Variants in HNF4A observed in about 807,000 individuals in gnomAD.
HNF4A encodes the protein hepatocyte nuclear factor 4-alpha.
Under a neutral mutation model 52.4 loss-of-function variants are expected in HNF4A, and 15 were observed. The ratio of observed to expected loss-of-function variants is 0.29; its 90% CI spans 0.19 to 0.44. HNF4A has a LOEUF of 0.44. Ranked by LOEUF, HNF4A falls within the 20% of genes least tolerant of loss-of-function variation. The pLI is 1.00. For synonymous variants in HNF4A, 280 were observed against 264.4 expected (o/e 1.06, Z -0.57); for missense variants, 479 against 647.2 (o/e 0.74, Z 2.82).
chr20:44,429,556 G>T lies in HNF4A; in HGVS notation c.1316G>T (p.Gly439Val), dbSNP rs748399403. The T allele has an allele frequency of 1.9e-6, 3 of 1,614,016 alleles. No homozygotes were observed. The highest frequency in any genetic ancestry group is 1.7e-5 in the Admixed American group (1 of 60,014). ...GAGACCCCACAGCCCTCACCGCCAG[G>T]TGGCTCAGGGTCTGAGCCCTATAAG... Residue 439 changes from glycine (G) to valine (V), a missense_variant, in exon 10 of 10, where the codon GGT (glycine) becomes GTT (valine). By Grantham distance (109) the Gly-to-Val change is moderately radical. Coordinates refer to ENST00000316099, the MANE Select transcript of HNF4A (RefSeq NM_000457.6).
At chr20:44,419,897 G>A in intron 7 of HNF4A, 21 bp downstream of exon 7, 1 of 1,613,146 alleles carries the variant, frequency 6.2e-7, no homozygotes, top group Non-Finnish European at 8.5e-7. Context: ...CACCTCCTAA[G>A]CCATCCCTGA....
chr20:44,424,803 G>A (rs141571214), intron 8 of HNF4A, among the ~76,000 whole-genome samples: 63 of 152,290 alleles, frequency 4.1e-4, no homozygotes, highest in African/African-American at 1.3e-3. Flanking sequence ...CAAGGGCTGC[G>A]GATAGGAGAG....
chr20:44,369,217 C>T (rs1228918782), intron 1 of HNF4A, among the ~76,000 whole-genome samples: 1 of 130,972 alleles, frequency 7.6e-6, no homozygotes, highest in African/African-American at 2.9e-5. Context: ...CCATTGCATT[C>T]CAGCCTGGGC....
chr20:44,422,281 G>A (rs545469158), intron 7 of HNF4A, among the ~76,000 whole-genome samples: 1 of 152,278 alleles, frequency 6.6e-6, no homozygotes, highest in East Asian at 1.9e-4. Flanking sequence ...GGCTGGACTG[G>A]CAGAATTGTT....
At chr20:44,411,891 C>CA (rs34125386) in intron 3 of HNF4A, among the ~76,000 whole-genome samples, 10,818 of 134,756 alleles carry the variant, frequency 0.08, 757 homozygotes, top group African/African-American at 0.2. Flanking sequence ...CCCCGTCTCT[C>CA]AAAAAAAAAA....
chr20:44,413,898 C>G, intron 4 of HNF4A, 98 bp downstream of exon 4: 1 of 814,858 alleles, frequency 1.2e-6, no homozygotes, highest in Admixed American at 2.0e-5. Flanking sequence ...CCTGGAGCAG[C>G]TGACGGGAGG....
chr20:44,377,388 G>A (rs1240581696), intron 1 of HNF4A, among the ~76,000 whole-genome samples: 1 of 152,164 alleles, frequency 6.6e-6, no homozygotes, highest in African/African-American at 2.4e-5. Flanking sequence ...CCAGCATCAT[G>A]CAATATACCT....
rs1306502663 is a variant in HNF4A, at chr20:44,428,425, C to A, written c.1220C>A (p.Thr407Lys). 6.2e-7 allele frequency: 1 copy of A among 1,614,172 alleles called. No individual in the cohort carries two copies. The highest frequency in any genetic ancestry group is 8.5e-7 in the Non-Finnish European group (1 of 1,180,010). The change falls in exon 9 of 10, where the codon ACA becomes AAA. Residue 407 changes from threonine to lysine, a missense_variant. Coordinates refer to ENST00000316099, the MANE Select transcript of HNF4A (RefSeq NM_000457.6). ...GGAACCAACGTCATCGTTGCCAACA[C>A]AATGCCCACTCACCTCAGCAACGGA...
chr20:44,386,939 A>G (rs577207405), intron 1 of HNF4A, among the ~76,000 whole-genome samples: 55 of 152,308 alleles, frequency 3.6e-4, no homozygotes, highest in African/African-American at 1.1e-3. Context: ...TGAAGTTTAC[A>G]TCACTATCAG....
intron 5 of HNF4A, among the ~76,000 whole-genome samples, chr20:44,416,203 C>T (rs2063662301): frequency 6.6e-6 from 1 of 152,200 alleles, no homozygotes. Context: ...TCCCAGCTCC[C>T]CATTCCTGGT....
rs142883089 is a variant in HNF4A, at chr20:44,414,544, G to A, written c.530G>A (p.Arg177Gln). The change falls in exon 5 of 10, where the codon CGG becomes CAG. Residue 177 changes from arginine (R) to glutamine (Q), a missense_variant. Arg to Gln is a conservative substitution (Grantham distance 43). This residue lies in a region of HNF4A where 389 missense variants were observed against 525.1 expected (regional missense o/e 0.74). Coordinates refer to ENST00000316099, the MANE Select transcript of HNF4A (RefSeq NM_000457.6). Reference sequence around the variant, plus strand: ...GTCTCCGGGATCAACGGCGACATTCGGGCGAAGAAGATTGCCAGCATCGCA... The same window carrying A: ...GTCTCCGGGATCAACGGCGACATTCAGGCGAAGAAGATTGCCAGCATCGCA... 1.1e-4 allele frequency: 183 copies of A among 1,614,082 alleles called. No individual in the cohort carries two copies. The highest frequency in any genetic ancestry group is 3.7e-4 in the Admixed American group (22 of 60,010).
chr20:44,407,737 G>A (rs1308911151), intron 3 of HNF4A, among the ~76,000 whole-genome samples: 3 of 150,244 alleles, frequency 2.0e-5, no homozygotes, highest in African/African-American at 4.9e-5. Flanking sequence ...GCCTGTCTGC[G>A]CCACCACAAA....
intron 1 of HNF4A, among the ~76,000 whole-genome samples, chr20:44,393,404 C>T (rs760491732): frequency 2.4e-4 from 37 of 152,334 alleles, no homozygotes; most frequent in Middle Eastern, 3.4e-3. Context: ...CGGAGCCTTA[C>T]AGTCAGCATC....
At chr20:44,404,112 C>A (rs2063448710) in intron 1 of HNF4A, among the ~76,000 whole-genome samples, 1 of 152,130 alleles carries the variant, frequency 6.6e-6, no homozygotes, top group African/African-American at 2.4e-5. Context: ...GTGCAAGGAG[C>A]CTGGAAGTCC....
At chr20:44,411,225 C>T (rs867436519) in intron 3 of HNF4A, among the ~76,000 whole-genome samples, 108 of 152,308 alleles carry the variant, frequency 7.1e-4, no homozygotes, top group Middle Eastern at 6.8e-3. Context: ...AGCCCCTGCC[C>T]TGCTCCCCAC....
intron 5 of HNF4A, among the ~76,000 whole-genome samples, 179 bp downstream of exon 5, chr20:44,414,841 C>T (rs1291944862): frequency 1.3e-5 from 2 of 152,226 alleles, no homozygotes; most frequent in African/African-American, 4.8e-5. Context: ...TCAGTTAGCT[C>T]CTCCAACAAC....
At chr20:44,390,763 C>G (rs1183219568) in intron 1 of HNF4A, 1 of 673,716 alleles carries the variant, frequency 1.5e-6, no homozygotes, top group Non-Finnish European at 2.7e-6. Context: ...GGATTCCAGA[C>G]TGGGAGCAGT....
intron 1 of HNF4A, among the ~76,000 whole-genome samples, chr20:44,394,450 G>T (rs897903188): frequency 6.6e-6 from 1 of 152,126 alleles, no homozygotes; most frequent in African/African-American, 2.4e-5. Context: ...TGGGCCTGTG[G>T]ATGCATACCC....
rs144354913 is a variant in HNF4A, at chr20:44,378,780, G to A, written c.49+22927G>A. ...AAAAATACAAAAAAATTAGCCGGGCGTGGTGGTGCGTGCCTGTAATCCCAG... is the reference window on the plus strand; with the variant it reads ...AAAAATACAAAAAAATTAGCCGGGCATGGTGGTGCGTGCCTGTAATCCCAG... On this transcript the variant is annotated intron_variant, in intron 1 of 9. Transcript: ENST00000316673. 3.6e-3 allele frequency among the ~76,000 whole-genome samples: 546 copies of A among 151,702 alleles called. 2 individuals are homozygous for A. Among genetic ancestry groups the A allele is most frequent in the African/African-American group, 0.013 (519 of 41,372 alleles).
Sources: gnomAD v4.1 joint callset for allele counts (sites outside exome capture counted in the v4.1 genomes callset) on GRCh38, gnomAD v4.1.1 for gene constraint, gnomAD v4.1.1 regional missense constraint, MANE v1.5 for transcripts, NCBI Gene and HGNC (gene_info 2026-07-23, HGNC 2026-07-21) for gene names.